Variants in CA12 observed in about 807,000 individuals in gnomAD.
CA12 encodes the protein carbonic anhydrase 12.
In CA12, 36 loss-of-function variants were observed where a neutral mutation model predicts 46.8. The ratio of observed to expected loss-of-function variants is 0.77; its 90% confidence interval spans 0.59 to 1.02. The LOEUF (loss-of-function observed/expected upper bound fraction) is 1.02, where lower values mean the gene tolerates loss of function less well. CA12 is among the 50% of genes least tolerant of loss of function. CA12 has a pLI of 0.00. For missense variants in CA12, 436 were observed against 451.4 expected, an observed-to-expected ratio of 0.97 and a Z score of 0.31; for synonymous variants, 202 against 187.0, an observed-to-expected ratio of 1.08 and a Z score of -0.65.
chr15:63,327,006 G>T lies in CA12; in HGVS notation c.992+143C>A, dbSNP rs1379535056. ...TCTCATGCAAAGGAGGCCAGGGCACGGGTGCTTTGGGGACGGCCCTCCTAG... is the reference window on the plus strand; with the variant it reads ...TCTCATGCAAAGGAGGCCAGGGCACTGGTGCTTTGGGGACGGCCCTCCTAG... On this transcript the variant is annotated intron_variant, in intron 10 of 10. Transcript: ENST00000178638. This position sits in a 1 kb window ranked among gnomAD's most constrained non-coding sequence, Gnocchi z 4.5. 6 of 714,392 alleles carry T rather than the reference G, an allele frequency of 8.4e-6. No individual in the cohort carries two copies. The highest frequency in any genetic ancestry group is 1.7e-5 in the African/African-American group (1 of 57,212). The allele number at this position is 714,392 out of a possible 1,614,324, so 44.3% of individuals were successfully genotyped here. A position where few individuals can be genotyped will look rare whatever the true frequency, so the allele number is the denominator to read the frequency against.
chr15:63,338,904 G>A lies in CA12; in HGVS notation c.789C>T (p.Asp263=), dbSNP rs371970181. The part of the protein sequence containing the change: ...LETALYCTHM[D]DPSPREMINN... ...TGATCATTTCTCTGGGGGAAGGGTCGTCCATGTGTGTGCAGTACAGGGCTG... is the reference window on the plus strand; with the variant it reads ...TGATCATTTCTCTGGGGGAAGGGTCATCCATGTGTGTGCAGTACAGGGCTG... Residue 263 remains aspartate, a synonymous_variant, in exon 8 of 11, where the codon GAC becomes GAT. Coordinates refer to ENST00000178638, the MANE Select transcript of CA12 (RefSeq NM_001218.5). The A allele has an allele frequency of 8.4e-5, 135 of 1,614,152 alleles. 1 individual carries two copies. The South Asian group carries it at 9.2e-4, about 11-fold the overall frequency.
chr15:63,335,424 T>C (rs2038989241), intron 8 of CA12, among the ~76,000 whole-genome samples: 1 of 151,958 alleles, frequency 6.6e-6, no homozygotes, highest in Non-Finnish European at 1.5e-5. Flanking sequence ...TTCCCCAAAG[T>C]CCATGTACTT....
Position 63,328,221 on chromosome 15 carries a change from T to C in CA12, c.875-91A>G. ...GTTGAGAGACGCTCTACCATTTGTT[T>C]GGTCTTAGGCTGACAGACCTCTAGG... On this transcript the variant is annotated intron_variant, in intron 8 of 10. Coordinates refer to ENST00000178638, the MANE Select transcript of CA12 (RefSeq NM_001218.5). This position sits in a 1 kb window ranked among gnomAD's most constrained non-coding sequence, Gnocchi z 5.9. 1 of 1,238,446 alleles carries C rather than the reference T, an allele frequency of 8.1e-7. No homozygotes were observed. The highest frequency in any genetic ancestry group is 1.2e-6 in the Non-Finnish European group (1 of 844,396). 76.7% of individuals were successfully genotyped at this position (1,238,446 alleles called of 1,614,324 possible).
intron 8 of CA12, among the ~76,000 whole-genome samples, chr15:63,333,426 TGTG>T (rs1435174076): frequency 2.6e-5 from 4 of 152,188 alleles, no homozygotes; most frequent in Non-Finnish European, 5.9e-5. Context: ...TCGGGAAACA[TGTG>T]GTGTGTGAAA....
rs1388331307 is a variant in CA12 at position 63,329,410 on chromosome 15, G to A, written c.875-1280C>T. Reference sequence around the variant, plus strand: ...CATGAGAATCCATTGTCTTGAGTGAGCAGAGGATCCCAGTCATGAAGTCTC... The same window carrying A: ...CATGAGAATCCATTGTCTTGAGTGAACAGAGGATCCCAGTCATGAAGTCTC... On this transcript the variant is annotated intron_variant, in intron 8 of 10. Coordinates refer to ENST00000178638, the MANE Select transcript of CA12 (RefSeq NM_001218.5). This position sits in a 1 kb window ranked among gnomAD's most constrained non-coding sequence, Gnocchi z 4.8. 6.6e-6 allele frequency among the ~76,000 whole-genome samples: 1 copy of A among 152,184 alleles called. No individual in the cohort carries two copies. The highest frequency in any genetic ancestry group is 1.9e-4 in the East Asian group (1 of 5,194).
chr15:63,357,658 T>TTTC (rs1337786603), intron 2 of CA12, among the ~76,000 whole-genome samples: 3 of 4,132 alleles, frequency 7.3e-4, no homozygotes, highest in Non-Finnish European at 0.02. Flanking sequence ...TCTTTCTTTC[T>TTTC]TTTTTTTTTA....
At chr15:63,352,531 C>T (rs2039246151) in intron 2 of CA12, among the ~76,000 whole-genome samples, 1 of 152,198 alleles carries the variant, frequency 6.6e-6, no homozygotes, top group Non-Finnish European at 1.5e-5. Context: ...CCCCATGACA[C>T]TTCTTGGAGG....
chr15:63,333,434 G>A (rs1044969982), intron 8 of CA12, among the ~76,000 whole-genome samples: 1 of 152,240 alleles, frequency 6.6e-6, no homozygotes, highest in African/African-American at 2.4e-5. Context: ...CATGTGGTGT[G>A]TGAAAGGCAC....
rs1403271237 is a variant in CA12 at position 63,341,475 on chromosome 15, C to G, written c.525+527G>C. On this transcript the variant is annotated intron_variant, in intron 5 of 10. Transcript: ENST00000178638. The surrounding 1 kb of genome is among the most constrained non-coding windows in gnomAD (Gnocchi z 5.2). ...CTAGGCTGTGTATTCCTTACGGAAT[C>G]TAACTAATGCTTGATGATCTGAGGT... is the stretch of plus-strand genomic sequence containing the variant. 1.3e-5 allele frequency among the ~76,000 whole-genome samples: 2 copies of G among 152,240 alleles called. No individual in the cohort carries two copies. Among genetic ancestry groups the G allele is most frequent in the Non-Finnish European group, 2.9e-5 (2 of 68,042 alleles).
intron 2 of CA12, among the ~76,000 whole-genome samples, chr15:63,366,808 T>A (rs1297562822): frequency 6.6e-6 from 1 of 152,254 alleles, no homozygotes; most frequent in Non-Finnish European, 1.5e-5. Flanking sequence ...AGGGTACCAC[T>A]AGACTAAGGC....
In CA12 at chr15:63,373,826, T is replaced by G. The variant is rs1015399996; in HGVS notation, c.106+1832A>C. On this transcript the variant is annotated intron_variant, in intron 2 of 10. Coordinates refer to ENST00000178638, the MANE Select transcript of CA12 (RefSeq NM_001218.5). The surrounding 1 kb of genome is among the most constrained non-coding windows in gnomAD (Gnocchi z 4.9). The stretch of plus-strand genomic sequence containing the variant: ...CTGAAATGGCTTACTGGGGATCATA[T>G]GGAATAAAGCCCAGAACCCAAGTGC... 6.6e-6 allele frequency among the ~76,000 whole-genome samples: 1 copy of G among 152,154 alleles called. No homozygotes were observed. The highest frequency in any genetic ancestry group is 2.4e-5 in the African/African-American group (1 of 41,428).
intron 2 of CA12, among the ~76,000 whole-genome samples, chr15:63,370,811 C>T (rs1030293698): frequency 2.2e-4 from 34 of 152,028 alleles, no homozygotes; most frequent in African/African-American, 8.2e-4. Context: ...AAAAACATGT[C>T]TGGCCTTTTC....
intron 2 of CA12, among the ~76,000 whole-genome samples, chr15:63,368,663 C>G (rs2039465100): frequency 6.6e-6 from 1 of 152,222 alleles, no homozygotes; most frequent in Non-Finnish European, 1.5e-5. Context: ...ACCTGAATGC[C>G]CGGGGCTCAA....
At chr15:63,335,535 C>T (rs2038991302) in intron 8 of CA12, among the ~76,000 whole-genome samples, 1 of 151,388 alleles carries the variant, frequency 6.6e-6, no homozygotes, top group Non-Finnish European at 1.5e-5. Flanking sequence ...GTGATCATGG[C>T]TCACTGCAGC....
Position 63,326,211 on chromosome 15 carries a change from A to G in CA12, c.*74T>C. ...ACAGAGAACACCTTGAGGTGTCGCAAGTGTCCAGAGAGCCGAAGTGTGTAG... is the reference window on the plus strand; with the variant it reads ...ACAGAGAACACCTTGAGGTGTCGCAGGTGTCCAGAGAGCCGAAGTGTGTAG... On this transcript the variant is annotated 3_prime_UTR_variant, in exon 11 of 11. Coordinates refer to ENST00000178638, the MANE Select transcript of CA12 (RefSeq NM_001218.5). 2 of 1,109,358 alleles carry G rather than the reference A, an allele frequency of 1.8e-6. No homozygotes were observed. Among genetic ancestry groups the G allele is most frequent in the South Asian group, 2.5e-5 (2 of 80,932 alleles). The allele number at this position is 1,109,358 out of a possible 1,614,324, so 68.7% of individuals were successfully genotyped here.
Position 63,372,062 on chromosome 15 carries a change from T to C in CA12, c.106+3596A>G, listed in dbSNP as rs1260428703. On this transcript the variant is annotated intron_variant, in intron 2 of 10. Coordinates refer to ENST00000178638, the MANE Select transcript of CA12 (RefSeq NM_001218.5). The surrounding 1 kb of genome is among the most constrained non-coding windows in gnomAD (Gnocchi z 4.5). ...GACTGCAGCACCCACACCAAGGACC[T>C]GAACGTGCCCACAACCCTTCCTGCC... 6.6e-6 allele frequency among the ~76,000 whole-genome samples: 1 copy of C among 152,176 alleles called. No homozygotes were observed. Among genetic ancestry groups the C allele is most frequent in the East Asian group, 1.9e-4 (1 of 5,186 alleles).
intron 2 of CA12, among the ~76,000 whole-genome samples, chr15:63,357,892 G>A (rs192559384): frequency 3.2e-4 from 49 of 152,204 alleles, no homozygotes; most frequent in Admixed American, 3.1e-3. Flanking sequence ...TGCCTCTTCC[G>A]GATAGTTCAT....
chr15:63,342,724 C>T (rs1041890485), intron 4 of CA12, among the ~76,000 whole-genome samples: 1 of 152,128 alleles, frequency 6.6e-6, no homozygotes, highest in Non-Finnish European at 1.5e-5. Context: ...GAGGTCCATT[C>T]AGATGGCAGG....
intron 2 of CA12, among the ~76,000 whole-genome samples, chr15:63,362,308 A>G (rs2039373510): frequency 6.6e-6 from 1 of 152,246 alleles, no homozygotes; most frequent in Admixed American, 6.5e-5. Context: ...CTTTTAATAG[A>G]CAAAGGAACC....
Sources: allele counts gnomAD v4.1 joint callset (sites outside exome capture counted in the v4.1 genomes callset), GRCh38; gene constraint gnomAD v4.1.1; non-coding constraint Gnocchi (gnomAD v3.1); transcripts MANE v1.5; gene names NCBI Gene and HGNC (gene_info 2026-07-23, HGNC 2026-07-21).